CTNNA2: variants seen among roughly 807,000 people sequenced by gnomAD.
CTNNA2 encodes catenin alpha 2, also known as catenin alpha-2.
In CTNNA2, 42 loss-of-function variants were observed where a neutral mutation model predicts 101.0. That is an observed-to-expected ratio of 0.42 (90% CI 0.32 to 0.54). The LOEUF (loss-of-function observed/expected upper bound fraction) is 0.54. Among genes scored for constraint, CTNNA2 ranks in the 20% least tolerant of loss-of-function variants. The pLI is 0.14. For synonymous variants in CTNNA2, 450 were observed against 456.4 expected (o/e 0.99, Z 0.18); for missense variants, 871 against 1,223.1 (o/e 0.71, Z 4.29).
chr2:80,039,870 T>C (rs1368311707), intron 7 of CTNNA2, among the ~76,000 whole-genome samples: 1 of 152,148 alleles, frequency 6.6e-6, no homozygotes, highest in Non-Finnish European at 1.5e-5. Context: ...GAAAAAAAGG[T>C]GAATAATTGT....
chr2:80,577,699 GTTGTT>G, intron 13 of CTNNA2, among the ~76,000 whole-genome samples: 1 of 126,418 alleles, frequency 7.9e-6, no homozygotes, highest in Admixed American at 7.5e-5. Flanking sequence ...TGTTGTTGTT[GTTGTT>G]TTGTTTTTAC....
chr2:79,424,121 C>T (rs957697568), intron 4 of CTNNA2, among the ~76,000 whole-genome samples: 2 of 152,172 alleles, frequency 1.3e-5, no homozygotes, highest in Admixed American at 1.3e-4. Context: ...AGATCATGGG[C>T]GGTGAGGGAC....
intron 3 of CTNNA2, among the ~76,000 whole-genome samples, chr2:79,365,080 G>T (rs1264618527): frequency 6.6e-6 from 1 of 151,946 alleles, no homozygotes; most frequent in Non-Finnish European, 1.5e-5. Flanking sequence ...TTTGAGACCA[G>T]CCTGGCCAAC....
In CTNNA2 at chr2:79,285,890, A is replaced by C. The variant is rs1370025569; in HGVS notation, c.-405-26819A>C. 4.1e-5 allele frequency among the ~76,000 whole-genome samples: 6 copies of C among 146,844 alleles called. No individual in the cohort carries two copies. In the East Asian group the frequency reaches 9.8e-4, roughly 24 times the overall value. On this transcript the variant is annotated intron_variant, in intron 2 of 21. Coordinates refer to the CTNNA2 transcript ENST00000466387. ...CCCATTATTAATGTGTGGGAGTCTA[A>C]GTCTCTTTGTAGGTCACTCAGGACT... is the stretch of plus-strand genomic sequence containing the variant.
chr2:79,320,688 G>C (rs1214385854), intron 3 of CTNNA2, among the ~76,000 whole-genome samples: 1 of 152,118 alleles, frequency 6.6e-6, no homozygotes, highest in Admixed American at 6.6e-5. Context: ...CACAGGCTTT[G>C]CGCAGAGGAA....
intron 17 of CTNNA2, among the ~76,000 whole-genome samples, chr2:80,609,735 G>A (rs1698306559): frequency 6.6e-6 from 1 of 151,718 alleles, no homozygotes; most frequent in Admixed American, 6.6e-5. Flanking sequence ...CTTGCCTTGT[G>A]TGCTTTCATT....
chr2:79,797,864 G>A (rs115972678), intron 3 of CTNNA2, among the ~76,000 whole-genome samples: 1 of 151,820 alleles, frequency 6.6e-6, no homozygotes, highest in South Asian at 2.1e-4. Flanking sequence ...GTTCTCTGGG[G>A]TGGATTTTAT....
chr2:79,492,411 G>T (rs1237640037), intron 4 of CTNNA2, among the ~76,000 whole-genome samples: 1 of 151,814 alleles, frequency 6.6e-6, no homozygotes, highest in African/African-American at 2.4e-5. Context: ...ATCAGACAAT[G>T]AAATTTATGG....
At chr2:80,080,910 A>G (rs1391653391) in intron 7 of CTNNA2, among the ~76,000 whole-genome samples, 1 of 150,050 alleles carries the variant, frequency 6.7e-6, no homozygotes, top group African/African-American at 2.5e-5. Context: ...ATAAACTGTC[A>G]GAAAGAAACC....
At chr2:80,329,884 C>CT (rs929037874) in intron 7 of CTNNA2, among the ~76,000 whole-genome samples, 1 of 152,228 alleles carries the variant, frequency 6.6e-6, no homozygotes, top group African/African-American at 2.4e-5. Flanking sequence ...CCCAGGGAAA[C>CT]TTTTCAATCT....
At chr2:80,598,345 T>G (rs1337727122) in intron 15 of CTNNA2, among the ~76,000 whole-genome samples, 1 of 151,984 alleles carries the variant, frequency 6.6e-6, no homozygotes, top group East Asian at 1.9e-4. Flanking sequence ...GACAAATACC[T>G]AACACATGCG....
chr2:80,388,543 G>A (rs558745912), intron 7 of CTNNA2, among the ~76,000 whole-genome samples: 40 of 152,240 alleles, frequency 2.6e-4, no homozygotes, highest in African/African-American at 9.6e-4. Context: ...CATATTTCAC[G>A]ATTCCATAAT....
intron 7 of CTNNA2, among the ~76,000 whole-genome samples, chr2:79,959,362 T>C (rs1027394195): frequency 2.6e-5 from 4 of 152,196 alleles, no homozygotes; most frequent in African/African-American, 7.2e-5. Context: ...TAGAACACAG[T>C]TGAAAAAACT....
intron 7 of CTNNA2, among the ~76,000 whole-genome samples, chr2:79,963,195 G>A (rs190223471): frequency 6.6e-6 from 1 of 151,354 alleles, no homozygotes. Flanking sequence ...CAAATAAAAT[G>A]CCCTGAAGTC....
chr2:80,444,776 A>T (rs960669932), intron 9 of CTNNA2, among the ~76,000 whole-genome samples: 3 of 152,100 alleles, frequency 2.0e-5, no homozygotes, highest in African/African-American at 7.2e-5. Context: ...GATTGAGAGG[A>T]CCCTCACCAG....
chr2:79,374,165 A>C (rs1677933659), intron 4 of CTNNA2, among the ~76,000 whole-genome samples: 1 of 152,220 alleles, frequency 6.6e-6, no homozygotes, highest in Admixed American at 6.5e-5. Context: ...CAACAACAGC[A>C]GCAGCAGCAG....
intron 1 of CTNNA2, among the ~76,000 whole-genome samples, chr2:79,552,259 A>G (rs1283081207): frequency 6.6e-6 from 1 of 152,156 alleles, no homozygotes; most frequent in East Asian, 1.9e-4. Flanking sequence ...ATCCAGCAGG[A>G]CAATCATTAA....
intron 7 of CTNNA2, among the ~76,000 whole-genome samples, chr2:79,980,330 G>A (rs766123946): frequency 3.9e-5 from 6 of 152,006 alleles, no homozygotes; most frequent in African/African-American, 1.4e-4. Flanking sequence ...TCATAGGGAC[G>A]ATTTGTCACA....
Position 79,466,566 on chromosome 2 carries a change from G to T in CTNNA2, c.-134-38488G>T, listed in dbSNP as rs1231523393. On this transcript the variant is annotated intron_variant, in intron 4 of 21. Transcript: ENST00000466387. ...AGCACAAAGTTTGAGATCTGAGAAC[G>T]GACAGACTGCCTCCTCAAGTGGGTC... Among the ~76,000 whole-genome samples, 5 of 152,302 alleles carry T rather than the reference G, an allele frequency of 3.3e-5. No individual in the cohort carries two copies. The South Asian group carries it at 1.0e-3, about 32-fold the overall frequency.
Sources: gnomAD v4.1 joint callset for allele counts (sites outside exome capture counted in the v4.1 genomes callset) on GRCh38, gnomAD v4.1.1 for gene constraint, MANE v1.5 for transcripts, NCBI Gene and HGNC (gene_info 2026-07-23, HGNC 2026-07-21) for gene names.